ZBTB7C: variants seen among roughly 807,000 people sequenced by gnomAD.
The protein encoded by ZBTB7C is zinc finger and BTB domain containing 7C.
Under a neutral mutation model 25.7 loss-of-function variants are expected in ZBTB7C, and 8 were observed. The observed-to-expected ratio is 0.31, with a 90% confidence interval of 0.18 to 0.56. The LOEUF (loss-of-function observed/expected upper bound fraction) is 0.56. Ranked by LOEUF, ZBTB7C falls within the 20% of genes least tolerant of loss-of-function variation. The pLI, the probability that ZBTB7C is intolerant of heterozygous loss-of-function variation, is 0.91. For synonymous variants in ZBTB7C, 394 were observed against 369.0 expected (o/e 1.07, Z -0.78); for missense variants, 824 against 855.2 (o/e 0.96, Z 0.46).
Position 48,127,989 on chromosome 18 carries a change from A to G in ZBTB7C, c.-17+57945T>C, listed in dbSNP as rs151213665. On this transcript the variant is annotated intron_variant, in intron 3 of 4. Coordinates refer to ENST00000590800, the MANE Select transcript of ZBTB7C (RefSeq NM_001318841.2). Reference sequence around the variant, plus strand: ...GGGCCTCCTCCCCAAGGCCTGAGTCATCTGGAGGACCCCGTAAGCTCCATC... The same window carrying G: ...GGGCCTCCTCCCCAAGGCCTGAGTCGTCTGGAGGACCCCGTAAGCTCCATC... 8.4e-3 allele frequency among the ~76,000 whole-genome samples: 1,275 copies of G among 152,308 alleles called. 4 individuals are homozygous for G. Among genetic ancestry groups the G allele is most frequent in the Non-Finnish European group, 0.013 (883 of 68,020 alleles).
intron 2 of ZBTB7C, among the ~76,000 whole-genome samples, chr18:48,315,494 G>A (rs1287753455): frequency 6.6e-6 from 1 of 152,140 alleles, no homozygotes; most frequent in Non-Finnish European, 1.5e-5. Context: ...AGTGCAAAGG[G>A]CACTGGCCTG....
chr18:48,279,002 T>C (rs1029070201), intron 2 of ZBTB7C, among the ~76,000 whole-genome samples: 2 of 152,028 alleles, frequency 1.3e-5, no homozygotes, highest in African/African-American at 4.8e-5. Flanking sequence ...GAAAATTAAT[T>C]TGAGACAGAC....
intron 3 of ZBTB7C, among the ~76,000 whole-genome samples, chr18:48,140,141 A>G (rs2040297113): frequency 6.6e-6 from 1 of 152,248 alleles, no homozygotes; most frequent in African/African-American, 2.4e-5. Context: ...GAAGCACATA[A>G]GCAAACATGC....
At chr18:48,102,102 G>A (rs941016709) in intron 3 of ZBTB7C, among the ~76,000 whole-genome samples, 1 of 152,216 alleles carries the variant, frequency 6.6e-6, no homozygotes, top group African/African-American at 2.4e-5. Context: ...AGGCGCTGAA[G>A]GAGGTCATCC....
Position 48,052,312 on chromosome 18 carries a change from G to A in ZBTB7C, c.-16-11189C>T, listed in dbSNP as rs971450220. Among the ~76,000 whole-genome samples, 187 of 152,348 alleles carry A rather than the reference G, an allele frequency of 1.2e-3. 1 individual carries two copies. Among genetic ancestry groups the A allele is most frequent in the African/African-American group, 4.3e-3 (180 of 41,580 alleles). ...AAGGGGCCATCTCCTCTAGTAGAGT[G>A]GAAATGGTTTAGATTTTGCTAGTTA... On this transcript the variant is annotated intron_variant, in intron 3 of 4. Coordinates refer to ENST00000590800, the MANE Select transcript of ZBTB7C (RefSeq NM_001318841.2).
intron 2 of ZBTB7C, among the ~76,000 whole-genome samples, chr18:48,240,415 T>G (rs918595171): frequency 1.7e-4 from 26 of 152,112 alleles, no homozygotes; most frequent in Non-Finnish European, 2.9e-5. Flanking sequence ...AAAGTCAGGA[T>G]GAAGAAAATA....
chr18:48,353,597 C>T (rs1363625497), intron 1 of ZBTB7C, among the ~76,000 whole-genome samples: 1 of 152,148 alleles, frequency 6.6e-6, no homozygotes, highest in Non-Finnish European at 1.5e-5. Context: ...TCTCCAATCC[C>T]ATCTGATGTT....
chr18:48,319,998 A>G (rs890052133), intron 2 of ZBTB7C, among the ~76,000 whole-genome samples: 3 of 152,144 alleles, frequency 2.0e-5, no homozygotes, highest in African/African-American at 7.2e-5. Context: ...CTGGGAGCTC[A>G]CATTCCAGTG....
chr18:48,177,020 C>A (rs1004761553), intron 3 of ZBTB7C, among the ~76,000 whole-genome samples: 2 of 152,272 alleles, frequency 1.3e-5, no homozygotes, highest in African/African-American at 4.8e-5. Flanking sequence ...CCTGCAAGAA[C>A]TTGGCCCAGG....
intron 3 of ZBTB7C, among the ~76,000 whole-genome samples, chr18:48,117,589 G>A (rs777088234): frequency 4.6e-5 from 7 of 152,186 alleles, no homozygotes; most frequent in Non-Finnish European, 7.3e-5. Flanking sequence ...TCACTGGATG[G>A]TTGTAAGGGT....
intron 3 of ZBTB7C, among the ~76,000 whole-genome samples, chr18:48,091,235 A>C (rs12958988): frequency 3.3e-4 from 43 of 132,304 alleles, no homozygotes; most frequent in African/African-American, 1.1e-3. Context: ...CTATGCCCGG[A>C]TAATTTTTTT....
At chr18:48,351,209 G>C (rs543997475) in intron 1 of ZBTB7C, among the ~76,000 whole-genome samples, 22 of 152,082 alleles carry the variant, frequency 1.4e-4, no homozygotes, top group African/African-American at 5.1e-4. Flanking sequence ...GAGAAGCCAC[G>C]GCTCACACCT....
At chr18:48,122,194 C>A (rs1194629813) in intron 3 of ZBTB7C, among the ~76,000 whole-genome samples, 1 of 152,180 alleles carries the variant, frequency 6.6e-6, no homozygotes, top group African/African-American at 2.4e-5. Context: ...AGTGTAGGCA[C>A]AGAGGTGTGG....
chr18:48,063,800 G>A (rs1351464616), intron 3 of ZBTB7C, among the ~76,000 whole-genome samples: 2 of 152,142 alleles, frequency 1.3e-5, no homozygotes, highest in Non-Finnish European at 2.9e-5. Context: ...GGACTGGAAT[G>A]TAAAAGCGTC....
chr18:48,239,328 A>T (rs2043462694), intron 2 of ZBTB7C, among the ~76,000 whole-genome samples: 1 of 152,174 alleles, frequency 6.6e-6, no homozygotes, highest in South Asian at 2.1e-4. Context: ...AGGAGACCTT[A>T]GGCAAGCTTG....
chr18:48,371,289 T>C (rs1352516), intron 1 of ZBTB7C, among the ~76,000 whole-genome samples: 107,179 of 152,036 alleles, frequency 0.7, 38,254 homozygotes, highest in East Asian at 0.81. Flanking sequence ...GCTGAAAAAA[T>C]ACTGCTCTGA....
intron 2 of ZBTB7C, among the ~76,000 whole-genome samples, chr18:48,266,034 T>C (rs1264486064): frequency 6.6e-6 from 1 of 152,174 alleles, no homozygotes; most frequent in Non-Finnish European, 1.5e-5. Flanking sequence ...TATTCTGGGA[T>C]GATGGAGCGT....
At chr18:48,136,332 A>AC (rs2040159171) in intron 3 of ZBTB7C, among the ~76,000 whole-genome samples, 1 of 151,542 alleles carries the variant, frequency 6.6e-6, no homozygotes, top group South Asian at 2.1e-4. Context: ...CCATCCACTC[A>AC]CCCCCAGGTT....
At chr18:48,192,868 A>G (rs553466721) in intron 2 of ZBTB7C, among the ~76,000 whole-genome samples, 1 of 152,316 alleles carries the variant, frequency 6.6e-6, no homozygotes, top group Non-Finnish European at 1.5e-5. Context: ...AAGGCGAGGG[A>G]GGGTATTGCA....
Sources: allele counts gnomAD v4.1 joint callset (sites outside exome capture counted in the v4.1 genomes callset), GRCh38; gene constraint gnomAD v4.1.1; transcripts MANE v1.5; gene names NCBI Gene and HGNC (gene_info 2026-07-23, HGNC 2026-07-21).